Variants in DIP2C observed in about 807,000 individuals in gnomAD.
DIP2C encodes disco-interacting protein 2 homolog C.
In DIP2C, 33 loss-of-function variants were observed where a neutral mutation model predicts 192.4. That is an observed-to-expected ratio of 0.17 (90% CI 0.13 to 0.23). The LOEUF (loss-of-function observed/expected upper bound fraction) is 0.23, where lower values mean the gene tolerates loss of function less well. Among genes scored for constraint, DIP2C ranks in the 10% least tolerant of loss-of-function variants. DIP2C has a pLI of 1.00. For missense variants in DIP2C, 1,537 were observed against 2,110.1 expected, an observed-to-expected ratio of 0.73 and a Z score of 5.32; for synonymous variants, 979 against 864.1, an observed-to-expected ratio of 1.13 and a Z score of -2.33.
At chr10:685,670 T>G (rs1461411512) in intron 1 of DIP2C, among the ~76,000 whole-genome samples, 2 of 152,000 alleles carry the variant, frequency 1.3e-5, no homozygotes, top group Non-Finnish European at 2.9e-5. Context: ...ATAATAATAA[T>G]AAGACATGAG....
intron 35 of DIP2C, among the ~76,000 whole-genome samples, chr10:282,833 G>C (rs1347478802): frequency 6.6e-6 from 1 of 152,250 alleles, no homozygotes; most frequent in Non-Finnish European, 1.5e-5. Context: ...CCTCTTCCCT[G>C]ACAGGGGCAG....
intron 1 of DIP2C, among the ~76,000 whole-genome samples, chr10:575,816 G>A (rs934413494): frequency 2.6e-5 from 4 of 152,200 alleles, no homozygotes; most frequent in African/African-American, 9.7e-5. Context: ...GGAAGCGCAA[G>A]GAGCCAAAGA....
intron 1 of DIP2C, among the ~76,000 whole-genome samples, chr10:593,234 C>G (rs1166812261): frequency 1.3e-5 from 2 of 152,126 alleles, no homozygotes; most frequent in African/African-American, 4.8e-5. Context: ...CCGGGGTGGT[C>G]TCATCGTCAT....
At chr10:280,380 G>T (rs1433697729) in intron 36 of DIP2C, among the ~76,000 whole-genome samples, 3 of 152,178 alleles carry the variant, frequency 2.0e-5, no homozygotes, top group African/African-American at 7.2e-5. Flanking sequence ...AGTTTCACCA[G>T]GTGCCCCTCA....
chr10:310,356 C>T (rs1956516905), intron 31 of DIP2C, among the ~76,000 whole-genome samples: 2 of 152,186 alleles, frequency 1.3e-5, no homozygotes, highest in African/African-American at 4.8e-5. Context: ...GGAGACAAAG[C>T]CACGCACTGT....
intron 24 of DIP2C, among the ~76,000 whole-genome samples, chr10:352,235 C>G (rs1024662672): frequency 6.6e-6 from 1 of 152,258 alleles, no homozygotes; most frequent in African/African-American, 2.4e-5. Flanking sequence ...TTGAGAGGCT[C>G]AGATGAGACA....
At chr10:301,822 G>A (rs920805931) in intron 32 of DIP2C, among the ~76,000 whole-genome samples, 2 of 152,202 alleles carry the variant, frequency 1.3e-5, no homozygotes, top group African/African-American at 4.8e-5. Context: ...CTGGAGAGTC[G>A]GGAGGCAAGA....
intron 1 of DIP2C, chr10:650,940 C>T (rs1855847037): frequency 1.4e-6 from 1 of 717,496 alleles, no homozygotes. Context: ...CCCGAGGCTA[C>T]ACAGCTCTGG....
At chr10:559,745 C>T (rs1022433667) in intron 1 of DIP2C, among the ~76,000 whole-genome samples, 1 of 152,152 alleles carries the variant, frequency 6.6e-6, no homozygotes, top group Non-Finnish European at 1.5e-5. Flanking sequence ...CAAGCCCTCA[C>T]AACCCACCCC....
chr10:288,578 C>T (rs564278171), intron 32 of DIP2C, among the ~76,000 whole-genome samples, 157 bp from the exon 33 acceptor site: 16 of 152,338 alleles, frequency 1.1e-4, no homozygotes, highest in African/African-American at 3.8e-4. Flanking sequence ...AGCAGCCCAG[C>T]AGCAGAGGAA....
chr10:372,592 C>T (rs1438149874), intron 17 of DIP2C, among the ~76,000 whole-genome samples: 1 of 152,222 alleles, frequency 6.6e-6, no homozygotes, highest in Non-Finnish European at 1.5e-5. Flanking sequence ...TTGATAGATT[C>T]CCTTGCTAGT....
At chr10:354,335 G>A (rs1017385215) in intron 24 of DIP2C, among the ~76,000 whole-genome samples, 8 of 152,200 alleles carry the variant, frequency 5.3e-5, no homozygotes, top group Non-Finnish European at 1.0e-4. Flanking sequence ...CTATGCAGGT[G>A]ACCACAGGTG....
intron 1 of DIP2C, among the ~76,000 whole-genome samples, chr10:670,217 C>A (rs772693969): frequency 6.6e-6 from 1 of 152,106 alleles, no homozygotes; most frequent in South Asian, 2.1e-4. Flanking sequence ...TGCACACATA[C>A]GCACACGCAT....
intron 1 of DIP2C, among the ~76,000 whole-genome samples, chr10:657,709 C>T (rs1673069499): frequency 7.0e-6 from 1 of 142,532 alleles, no homozygotes; most frequent in Non-Finnish European, 1.6e-5. Context: ...GGACCTGCCC[C>T]TGGACCTGCC....
chr10:604,330 C>T (rs755940928), intron 1 of DIP2C, among the ~76,000 whole-genome samples: 18 of 152,180 alleles, frequency 1.2e-4, no homozygotes, highest in Admixed American at 2.0e-4. Context: ...AAATATTTGA[C>T]TATTAAATAT....
chr10:392,666 T>C (rs912523534), intron 10 of DIP2C, among the ~76,000 whole-genome samples: 3 of 152,164 alleles, frequency 2.0e-5, no homozygotes, highest in Admixed American at 2.0e-4. Flanking sequence ...TACACACCCA[T>C]GTGGGAGGCA....
chr10:547,591 G>A (rs61831032), intron 1 of DIP2C, among the ~76,000 whole-genome samples: 11,314 of 152,206 alleles, frequency 0.074, 475 homozygotes, highest in East Asian at 0.18. Context: ...AACAGTCTCT[G>A]TCATGAGCTT....
chr10:650,952 T>C, intron 1 of DIP2C: 2 of 717,462 alleles, frequency 2.8e-6, no homozygotes, highest in Admixed American at 2.0e-5. Context: ...CAGCTCTGGC[T>C]GTTTCTCTTC....
chr10:302,376 C>T lies in DIP2C; in HGVS notation c.3986+7655G>A, dbSNP rs540861329. 1.9e-3 allele frequency among the ~76,000 whole-genome samples: 295 copies of T among 152,284 alleles called. 4 individuals carry two copies. The highest frequency in any genetic ancestry group is 2.1e-3 in the Non-Finnish European group (144 of 68,038). On this transcript the variant is annotated intron_variant, in intron 32 of 36. Coordinates refer to ENST00000280886, the MANE Select transcript of DIP2C (RefSeq NM_014974.3). Reference sequence around the variant, plus strand: ...CTGAGGCCAGACAATGGGTCCTGAGCTTAATCCAAGCACCTGTTAAATTCA... The same window carrying T: ...CTGAGGCCAGACAATGGGTCCTGAGTTTAATCCAAGCACCTGTTAAATTCA...
Sources: allele counts gnomAD v4.1 joint callset (sites outside exome capture counted in the v4.1 genomes callset), GRCh38; gene constraint gnomAD v4.1.1; transcripts MANE v1.5; gene names NCBI Gene and HGNC (gene_info 2026-07-23, HGNC 2026-07-21).